Variants in SAMHD1 observed in about 807,000 individuals in gnomAD.
SAMHD1 encodes the protein SAM and HD domain containing deoxynucleoside triphosphate triphosphohydrolase 1.
Under a neutral mutation model 79.6 loss-of-function variants are expected in SAMHD1, and 54 were observed. The ratio of observed to expected loss-of-function variants is 0.68; its 90% CI spans 0.55 to 0.85. SAMHD1 has a LOEUF of 0.85. SAMHD1 is among the 40% of genes least tolerant of loss of function. The pLI is 0.00. For synonymous variants in SAMHD1, 260 were observed against 264.1 expected (o/e 0.98, Z 0.15); for missense variants, 663 against 782.7 (o/e 0.85, Z 1.82).
Position 36,916,767 on chromosome 20 carries a change from A to G in SAMHD1, c.1017T>C (p.Arg339=). Residue 339 remains arginine (R), a synonymous_variant, in exon 9 of 16, where the codon CGT becomes CGC. Coordinates refer to ENST00000646673, the MANE Select transcript of SAMHD1 (RefSeq NM_015474.4). ...GCAACTCATTGTCTACTTCACAGAC[A>G]CGGGCAAACTTAATAAAGCGCTTGT... The part of the protein sequence containing the change: ...FDYKRFIKFA[R]VCEVDNELRI... The G allele has an allele frequency of 6.2e-7, 1 of 1,614,146 alleles. No individual in the cohort carries two copies. Among genetic ancestry groups the G allele is most frequent in the African/African-American group, 1.3e-5 (1 of 75,058 alleles).
At chr20:36,920,820 A>G (rs2063499682) in intron 6 of SAMHD1, among the ~76,000 whole-genome samples, 1 of 151,558 alleles carries the variant, frequency 6.6e-6, no homozygotes, top group African/African-American at 2.4e-5. Flanking sequence ...AGTGGCTCAC[A>G]TTTGTAATCC....
intron 6 of SAMHD1, among the ~76,000 whole-genome samples, chr20:36,923,687 G>T (rs1365280698): frequency 6.6e-6 from 1 of 152,072 alleles, no homozygotes; most frequent in Non-Finnish European, 1.5e-5. Flanking sequence ...TGACGGTGCA[G>T]GCCTGTGGCC....
chr20:36,930,072 GA>G (rs929381346), intron 5 of SAMHD1, among the ~76,000 whole-genome samples: 5 of 34,538 alleles, frequency 1.4e-4, no homozygotes, highest in Admixed American at 3.0e-4. Context: ...CAAAAAGGAA[GA>G]AAAAAAAAGA....
At position 36,916,943 on chromosome 20, in the gene SAMHD1, G is replaced by A. The variant is rs1280839933; in HGVS notation, c.953+6C>T. On this transcript the variant is annotated splice_donor_region_variant and intron_variant, in intron 8 of 15. Coordinates refer to ENST00000646673, the MANE Select transcript of SAMHD1 (RefSeq NM_015474.4). ...AGCCAACTTTTCAGAAGTGTTCAGTGCATACCTGGCAAAATAATCCCATTT... is the reference window on the plus strand; with the variant it reads ...AGCCAACTTTTCAGAAGTGTTCAGTACATACCTGGCAAAATAATCCCATTT... 1.2e-6 allele frequency: 2 copies of A among 1,603,450 alleles called. No homozygotes were observed. The highest frequency in any genetic ancestry group is 8.5e-7 in the Non-Finnish European group (1 of 1,170,594).
In SAMHD1 at chr20:36,890,953, A is replaced by G. The variant is rs1204582813; in HGVS notation, c.*1979T>C. 3 of 152,340 alleles carry G rather than the reference A, an allele frequency of 2.0e-5. No homozygotes were observed. The highest frequency in any genetic ancestry group is 4.8e-5 in the African/African-American group (2 of 41,580). The allele number at this position is 152,340 out of a possible 1,614,324, so 9.4% of individuals were successfully genotyped here. On this transcript the variant is annotated 3_prime_UTR_variant, in exon 16 of 16. Coordinates refer to ENST00000646673, the MANE Select transcript of SAMHD1 (RefSeq NM_015474.4). The stretch of plus-strand genomic sequence containing the variant: ...CTACAGAATCTCAGAGTAAACCACA[A>G]TGATTTAAAGGTAAGATACACAGAA...
intron 3 of SAMHD1, 22 bp downstream of exon 3, chr20:36,941,017 T>C (rs770626820): frequency 1.9e-6 from 3 of 1,582,422 alleles, no homozygotes; most frequent in East Asian, 2.2e-5. Context: ...TCAAAAAACA[T>C]AACAAACTCA....
At chr20:36,905,322 A>G in intron 12 of SAMHD1, 42 bp downstream of exon 12, 1 of 1,605,248 alleles carries the variant, frequency 6.2e-7, no homozygotes, top group Non-Finnish European at 8.5e-7. Context: ...CTTGGAGGAC[A>G]GAGATAACCT....
At chr20:36,912,378 G>C (rs1322337294) in intron 10 of SAMHD1, 83 bp downstream of exon 10, 8 of 828,072 alleles carry the variant, frequency 9.7e-6, no homozygotes. Context: ...AACTCATCTA[G>C]AAATGTCTAG....
At chr20:36,910,413 A>G (rs187092402) in intron 11 of SAMHD1, among the ~76,000 whole-genome samples, 1 of 151,744 alleles carries the variant, frequency 6.6e-6, no homozygotes, top group South Asian at 2.1e-4. Context: ...AAAATAAATA[A>G]ATAAAAAAAA....
intron 12 of SAMHD1, chr20:36,904,512 T>A: frequency 7.3e-6 from 3 of 410,720 alleles, no homozygotes; most frequent in South Asian, 6.4e-5. Context: ...AGGTCGGGAG[T>A]TCGAGACCAG....
intron 13 of SAMHD1, among the ~76,000 whole-genome samples, chr20:36,900,377 C>G (rs903824615): frequency 3.3e-5 from 5 of 150,960 alleles, no homozygotes; most frequent in Non-Finnish European, 7.4e-5. Flanking sequence ...TCCTAAGTAG[C>G]TGGGATTACA....
chr20:36,911,354 ATTTATG>A (rs754999627), intron 10 of SAMHD1, 21 bp from the exon 11 acceptor site: 131 of 1,471,600 alleles, frequency 8.9e-5, no homozygotes, highest in Non-Finnish European at 2.7e-5. Flanking sequence ...TTTTGCAAAA[ATTTATG>A]TTTATGAGAA....
chr20:36,946,865 T>G (rs1183152236), intron 1 of SAMHD1, 61 bp from the exon 2 acceptor site: 1 of 1,332,816 alleles, frequency 7.5e-7, no homozygotes, highest in Non-Finnish European at 1.1e-6. Flanking sequence ...TTCTTTCAAT[T>G]TGGATACACC....
chr20:36,930,242 T>A (rs1361325408), intron 5 of SAMHD1, among the ~76,000 whole-genome samples: 3 of 152,136 alleles, frequency 2.0e-5, no homozygotes, highest in African/African-American at 7.2e-5. Context: ...ATGCCTGTAA[T>A]CCCAGCACTT....
intron 2 of SAMHD1, among the ~76,000 whole-genome samples, chr20:36,941,912 G>T (rs985606989): frequency 3.3e-5 from 5 of 152,058 alleles, no homozygotes; most frequent in African/African-American, 1.2e-4. Context: ...AGCAAATTTC[G>T]TGTTTTCCTA....
In SAMHD1 at chr20:36,898,491, G is replaced by A. The variant is rs1990239469; in HGVS notation, c.1557C>T (p.Ser519=). The change falls in exon 14 of 16, where the codon AGC becomes AGT. Residue 519 remains serine (S), a synonymous_variant. Coordinates refer to ENST00000646673, the MANE Select transcript of SAMHD1 (RefSeq NM_015474.4). ...TGTTGGGGGCAGTCTTACAATAGAA[G>A]CTAACATGATCAATTGGATTCTTTT... ...MQEKNPIDHV[S]FYCKTAPNRA... The A allele has an allele frequency of 1.4e-5, 23 of 1,614,042 alleles. No homozygotes were observed. The highest frequency in any genetic ancestry group is 1.9e-5 in the Non-Finnish European group (23 of 1,179,974).
chr20:36,916,538 C>G (rs1011610852), intron 9 of SAMHD1, 184 bp downstream of exon 9: 1 of 574,180 alleles, frequency 1.7e-6, no homozygotes, highest in Non-Finnish European at 3.1e-6. Flanking sequence ...TAATAAATGT[C>G]CATGTTAATT....
chr20:36,897,424 T>A, intron 15 of SAMHD1: 2 of 308,920 alleles, frequency 6.5e-6, no homozygotes, highest in South Asian at 5.9e-5. Flanking sequence ...CTAACTAATA[T>A]ACTGAAGTAA....
chr20:36,918,358 C>G (rs1218772681), intron 7 of SAMHD1, among the ~76,000 whole-genome samples: 1 of 151,822 alleles, frequency 6.6e-6, no homozygotes, highest in African/African-American at 2.4e-5. Context: ...GTGGCTCACG[C>G]CTGCAATCCC....
Sources: gnomAD v4.1 joint callset for allele counts (sites outside exome capture counted in the v4.1 genomes callset) on GRCh38, gnomAD v4.1.1 for gene constraint, MANE v1.5 for transcripts, NCBI Gene and HGNC (gene_info 2026-07-23, HGNC 2026-07-21) for gene names.